Variants in ABCB5 observed in about 807,000 individuals in gnomAD.
ABCB5 encodes ATP-binding cassette sub-family B member 5.
ABCB5 carries 155 observed loss-of-function variants against 144.2 expected under a neutral mutation model. That is an observed-to-expected ratio of 1.08 (90% CI 0.94 to 1.23). The LOEUF is 1.23. Ranked by LOEUF, ABCB5 falls within the 50% of genes most tolerant of loss-of-function variation. ABCB5 has a pLI of 0.00. For synonymous variants in ABCB5, 610 were observed against 528.6 expected (o/e 1.15, Z -2.11); for missense variants, 1,830 against 1,520.8 (o/e 1.20, Z -3.38).
intron 4 of ABCB5, 109 bp downstream of exon 4, chr7:20,628,947 T>C (rs1350097070): frequency 7.9e-7 from 1 of 1,258,964 alleles, no homozygotes; most frequent in Non-Finnish European, 1.1e-6. Flanking sequence ...ACAGTATCTG[T>C]ATAATATGTA....
intron 23 of ABCB5, among the ~76,000 whole-genome samples, chr7:20,733,670 G>T (rs1450820397): frequency 6.8e-6 from 1 of 146,510 alleles, no homozygotes; most frequent in African/African-American, 2.5e-5. Flanking sequence ...TTCGAGTCTC[G>T]CTCTGTCGCC....
intron 14 of ABCB5, chr7:20,659,479 T>A: frequency 9.4e-7 from 1 of 1,059,676 alleles, no homozygotes; most frequent in Non-Finnish European, 1.1e-6. Flanking sequence ...GCAGGCTAAA[T>A]GTCCACTGCT....
chr7:20,727,961 T>C (rs1039510888), intron 22 of ABCB5, among the ~76,000 whole-genome samples: 2 of 152,214 alleles, frequency 1.3e-5, no homozygotes, highest in African/African-American at 4.8e-5. Flanking sequence ...TAATGAAAGA[T>C]TGTAATGGAG....
chr7:20,748,091 C>G (rs1782786487), intron 26 of ABCB5, among the ~76,000 whole-genome samples: 1 of 152,146 alleles, frequency 6.6e-6, no homozygotes, highest in African/African-American at 2.4e-5. Flanking sequence ...TATAGAAACT[C>G]AGCATTTGAA....
chr7:20,651,594 G>A lies in ABCB5; in HGVS notation c.1507G>A (p.Ala503Thr), dbSNP rs547986935. 5.1e-5 allele frequency: 82 copies of A among 1,613,960 alleles called. No individual in the cohort carries two copies. The highest frequency in any genetic ancestry group is 6.7e-5 in the Non-Finnish European group (79 of 1,179,978). ...GGAGAGAGCAGCAAGGGAAGCAAAT[G>A]CGTATGATTTTATCATGGAGTTTCC... ...EMERAAREAN[A>T]YDFIMEFPNK... is the part of the protein sequence containing the mutation. The change falls in exon 13 of 28, where the codon GCG (alanine) becomes ACG (threonine). Residue 503 changes from alanine (A) to threonine (T), a missense_variant. Ala to Thr is a moderately conservative substitution (Grantham distance 58). Coordinates refer to ENST00000404938, the MANE Select transcript of ABCB5 (RefSeq NM_001163941.2).
Position 20,643,502 on chromosome 7 carries a change from C to A in ABCB5, c.548C>A (p.Ala183Asp). ...KISDGIGDKI[A>D]LLFQNMSTFS... ...AGTGATGGTATTGGAGATAAGATTG[C>A]TCTGTTGTTTCAAAACATGTCTACT... Residue 183 changes from alanine (A) to aspartate (D), a missense_variant, in exon 7 of 28, where the codon GCT (alanine) becomes GAT (aspartate). By Grantham distance (126) the Ala-to-Asp change is moderately radical. Transcript: ENST00000404938. 1 of 1,613,992 alleles carries A rather than the reference C, an allele frequency of 6.2e-7. No individual in the cohort carries two copies. Among genetic ancestry groups the A allele is most frequent in the Non-Finnish European group, 8.5e-7 (1 of 1,179,878 alleles).
intron 19 of ABCB5, 81 bp from the exon 20 acceptor site, chr7:20,704,643 T>C: frequency 9.1e-7 from 1 of 1,096,360 alleles, no homozygotes; most frequent in East Asian, 2.5e-5. Flanking sequence ...GTAAATGTTT[T>C]CTGATTTACA....
At chr7:20,669,132 G>T (rs1785360953) in intron 14 of ABCB5, among the ~76,000 whole-genome samples, 1 of 150,754 alleles carries the variant, frequency 6.6e-6, no homozygotes, top group African/African-American at 2.5e-5. Flanking sequence ...CCGGCCAGCT[G>T]CCCCATCCGG....
chr7:20,658,376 G>C, intron 13 of ABCB5, 130 bp from the exon 14 acceptor site: 3 of 627,242 alleles, frequency 4.8e-6, no homozygotes, highest in South Asian at 6.7e-5. Context: ...CAAATCAAAA[G>C]ACATAAGCAC....
chr7:20,720,860 C>T (rs1281659795), intron 20 of ABCB5, among the ~76,000 whole-genome samples: 5 of 139,098 alleles, frequency 3.6e-5, no homozygotes, highest in Admixed American at 3.2e-4. Context: ...AGGAGAATGG[C>T]GTGAACCCGG....
At chr7:20,680,286 G>A (rs1445096876) in intron 14 of ABCB5, among the ~76,000 whole-genome samples, 3 of 152,150 alleles carry the variant, frequency 2.0e-5, no homozygotes, top group Admixed American at 1.3e-4. Context: ...GAGGCCGAGC[G>A]CGGTGGTCAC....
intron 16 of ABCB5, among the ~76,000 whole-genome samples, chr7:20,689,540 C>T (rs1378494967): frequency 1.3e-5 from 2 of 152,152 alleles, no homozygotes; most frequent in African/African-American, 2.4e-5. Context: ...CTGGCTGAGA[C>T]ATAGGACTGT....
At chr7:20,681,449 C>T (rs1785824056) in intron 14 of ABCB5, 56 bp from the exon 15 acceptor site, 1 of 1,587,666 alleles carries the variant, frequency 6.3e-7, no homozygotes, top group Non-Finnish European at 8.6e-7. Context: ...TTAAACAGTG[C>T]AAAGGTTGTT....
intron 16 of ABCB5, among the ~76,000 whole-genome samples, chr7:20,686,127 G>A (rs148312594): frequency 1.3e-4 from 20 of 152,154 alleles, no homozygotes; most frequent in South Asian, 1.2e-3. Flanking sequence ...ACAGTGCCTC[G>A]GCAAATGTGA....
intron 5 of ABCB5, among the ~76,000 whole-genome samples, chr7:20,642,301 G>A (rs1368478522): frequency 1.3e-5 from 2 of 152,120 alleles, no homozygotes; most frequent in African/African-American, 2.4e-5. Context: ...ACTTTTTTCT[G>A]ACTCAGTCTC....
At position 20,681,646 on chromosome 7, in the gene ABCB5, T is replaced by C; in HGVS notation, c.1849T>C (p.Tyr617His). 1 of 1,614,034 alleles carries C rather than the reference T, an allele frequency of 6.2e-7. No homozygotes were observed. Among genetic ancestry groups the C allele is most frequent in the Non-Finnish European group, 8.5e-7 (1 of 1,179,970 alleles). ...AELMAKRGLY[Y>H]SLVMSQDIKK... is the part of the protein sequence containing the mutation. ...ACTAATGGCAAAACGAGGTCTATAT[T>C]ATTCACTTGTGATGTCACAGGTAAT... Residue 617 changes from tyrosine (Y) to histidine (H), a missense_variant, in exon 15 of 28, where the codon TAT becomes CAT. By Grantham distance (83) the Tyr-to-His change is moderately conservative (BLOSUM62 2). Coordinates refer to ENST00000404938, the MANE Select transcript of ABCB5 (RefSeq NM_001163941.2).
At chr7:20,731,782 C>T (rs1481854061) in intron 23 of ABCB5, among the ~76,000 whole-genome samples, 2 of 152,168 alleles carry the variant, frequency 1.3e-5, no homozygotes, top group Non-Finnish European at 2.9e-5. Flanking sequence ...TTGTCCACCA[C>T]ATAAATCACT....
rs144219498 is a variant in ABCB5 at position 20,745,313 on chromosome 7, C to A, written c.3304C>A (p.Leu1102Ile). ...AGCAATCGTTCCTCAAGAGCCTGTG[C>A]TCTTCAACTGCAGCATTGCTGAGAA... Reference protein sequence around the residue: ...QIAIVPQEPVLFNCSIAENIA... With the variant: ...QIAIVPQEPVIFNCSIAENIA... The change falls in exon 26 of 28, where the codon CTC becomes ATC. Residue 1102 changes from leucine (L) to isoleucine (I), a missense_variant. Physicochemically the swap from Leu to Ile is conservative, Grantham distance 5. Coordinates refer to ENST00000404938, the MANE Select transcript of ABCB5 (RefSeq NM_001163941.2). The A allele has an allele frequency of 4.6e-4, 739 of 1,614,088 alleles. 3 individuals are homozygous for A. The African/African-American group carries it at 8.8e-3, about 19-fold the overall frequency.
intron 2 of ABCB5, among the ~76,000 whole-genome samples, chr7:20,624,200 T>G (rs572445801): frequency 2.0e-5 from 3 of 152,206 alleles, no homozygotes; most frequent in Non-Finnish European, 2.9e-5. Flanking sequence ...TAGAATACAT[T>G]TGTGCTCTTA....
Sources: allele counts gnomAD v4.1 joint callset (sites outside exome capture counted in the v4.1 genomes callset), GRCh38; gene constraint gnomAD v4.1.1; transcripts MANE v1.5; gene names NCBI Gene and HGNC (gene_info 2026-07-23, HGNC 2026-07-21).